Variants in SLC44A5 observed in about 807,000 individuals in gnomAD.
The protein encoded by SLC44A5 is solute carrier family 44 member 5, also known as choline transporter-like protein 5.
SLC44A5 carries 57 observed loss-of-function variants against 101.8 expected under a neutral mutation model. The observed-to-expected ratio is 0.56, with a 90% CI of 0.45 to 0.70. The LOEUF is 0.70. Among genes scored for constraint, SLC44A5 ranks in the 30% least tolerant of loss-of-function variants. The pLI is 0.00. For missense variants in SLC44A5, 737 were observed against 853.1 expected, an observed-to-expected ratio of 0.86 and a Z score of 1.70; for synonymous variants, 281 against 290.9, an observed-to-expected ratio of 0.97 and a Z score of 0.35.
intron 2 of SLC44A5, among the ~76,000 whole-genome samples, chr1:75,486,948 G>T (rs1221719606): frequency 2.0e-5 from 3 of 152,186 alleles, no homozygotes; most frequent in Admixed American, 2.0e-4. Flanking sequence ...TTTAGGTCAT[G>T]TGAAGGATTA....
At chr1:75,714,084 G>T in the SLC44A5 span, among the ~76,000 whole-genome samples, 13 of 152,024 alleles carry the variant, frequency 8.6e-5, no homozygotes, top group Admixed American at 5.9e-4. Flanking sequence ...AACTATAGGT[G>T]TGAGACACTG....
In SLC44A5 at chr1:75,550,369, A is replaced by G. The variant is rs377545712; in HGVS notation, c.-69-8853T>C. On this transcript the variant is annotated intron_variant, in intron 1 of 23. Coordinates refer to ENST00000370859, the MANE Select transcript of SLC44A5 (RefSeq NM_001130058.2). ...GAATTCATAGAGACAGAAATAGATT[A>G]GTGGCTTCCAGGGGCTGGAGGATGG... 6.6e-4 allele frequency among the ~76,000 whole-genome samples: 100 copies of G among 152,152 alleles called. 1 individual carries two copies. Among genetic ancestry groups the G allele is most frequent in the Middle Eastern group, 6.8e-3 (2 of 294 alleles).
At chr1:75,376,666 A>G (rs1219046733) in intron 3 of SLC44A5, among the ~76,000 whole-genome samples, 1 of 150,898 alleles carries the variant, frequency 6.6e-6, no homozygotes, top group East Asian at 1.9e-4. Flanking sequence ...CATCCACACC[A>G]AAAACCCATC....
At chr1:75,506,265 C>T (rs1404324465) in intron 2 of SLC44A5, among the ~76,000 whole-genome samples, 1 of 151,956 alleles carries the variant, frequency 6.6e-6, no homozygotes, top group Non-Finnish European at 1.5e-5. Context: ...TTTATAATAT[C>T]ATTTGAAGTT....
intron 2 of SLC44A5, among the ~76,000 whole-genome samples, chr1:75,430,608 T>C (rs1187463983): frequency 3.3e-5 from 5 of 152,124 alleles, no homozygotes; most frequent in Non-Finnish European, 2.9e-5. Flanking sequence ...TTAGACTTTA[T>C]CATATAGGTC....
chr1:75,391,736 A>T (rs115827642), intron 3 of SLC44A5, among the ~76,000 whole-genome samples: 31 of 152,338 alleles, frequency 2.0e-4, no homozygotes, highest in African/African-American at 6.7e-4. Context: ...GATGGATTGA[A>T]TATTTAAATG....
intron 2 of SLC44A5, among the ~76,000 whole-genome samples, chr1:75,445,252 G>A (rs964409635): frequency 6.6e-6 from 1 of 151,902 alleles, no homozygotes; most frequent in Non-Finnish European, 1.5e-5. Flanking sequence ...TAACATGCCT[G>A]GTATCTCTCT....
chr1:75,696,138 G>C, the SLC44A5 span, among the ~76,000 whole-genome samples: 1 of 152,124 alleles, frequency 6.6e-6, no homozygotes, highest in Non-Finnish European at 1.5e-5. Flanking sequence ...AGTCAGATGA[G>C]GGTCCTGATT....
chr1:75,630,809 C>T, the SLC44A5 span, among the ~76,000 whole-genome samples: 1 of 152,302 alleles, frequency 6.6e-6, no homozygotes, highest in Non-Finnish European at 1.5e-5. Context: ...ACCTGAGGTT[C>T]AGAGGAATTG....
intron 1 of SLC44A5, among the ~76,000 whole-genome samples, chr1:75,562,453 T>C (rs1473478788): frequency 2.6e-5 from 4 of 152,150 alleles, no homozygotes. Context: ...ATCATACCAC[T>C]TTGGGAGGCT....
At chr1:75,356,570 T>G (rs1047612295) in intron 3 of SLC44A5, among the ~76,000 whole-genome samples, 6 of 151,992 alleles carry the variant, frequency 3.9e-5, no homozygotes, top group African/African-American at 1.4e-4. Context: ...TACAGAAAGT[T>G]AAGGTTAATT....
In SLC44A5 at chr1:75,351,698, A is replaced by T. The variant is rs189731269; in HGVS notation, c.53-12068T>A. On this transcript the variant is annotated intron_variant, in intron 3 of 23. Transcript: ENST00000370859. Reference sequence around the variant, plus strand: ...CGACTCTACAAAGATGTTCTTGAGGATGGAACTAGAGTGGTTGTACTGAGA... The same window carrying T: ...CGACTCTACAAAGATGTTCTTGAGGTTGGAACTAGAGTGGTTGTACTGAGA... 2.6e-5 allele frequency among the ~76,000 whole-genome samples: 4 copies of T among 152,000 alleles called. No homozygotes were observed. In the East Asian group the frequency reaches 7.7e-4, roughly 29 times the overall value.
chr1:75,222,405 C>G lies in SLC44A5; in HGVS notation c.1041G>C (p.Arg347Ser). The G allele has an allele frequency of 6.2e-7, 1 of 1,613,696 alleles. No individual in the cohort carries two copies. The highest frequency in any genetic ancestry group is 8.5e-7 in the Non-Finnish European group (1 of 1,179,880). Reference sequence around the variant, plus strand: ...GGATAATGGCGACTCGGATTCGATTCCTGAGGAAGATCAGCATGAGGATGA... The same window carrying G: ...GGATAATGGCGACTCGGATTCGATTGCTGAGGAAGATCAGCATGAGGATGA... ...VIVILMLIFL[R>S]NRIRVAIILL... The change falls in exon 14 of 24, where the codon AGG becomes AGC. Residue 347 changes from arginine (R) to serine (S), a missense_variant. Arg to Ser is a moderately radical substitution (Grantham distance 110, BLOSUM62 -1). Transcript: ENST00000370859.
intron 3 of SLC44A5, among the ~76,000 whole-genome samples, chr1:75,350,087 C>G (rs767709630): frequency 6.6e-6 from 1 of 152,074 alleles, no homozygotes; most frequent in Admixed American, 6.5e-5. Context: ...ACCGCGCCCC[C>G]CCCAACTCCA....
intron 2 of SLC44A5, among the ~76,000 whole-genome samples, chr1:75,419,602 T>G (rs1025325488): frequency 6.6e-6 from 1 of 152,060 alleles, no homozygotes; most frequent in South Asian, 2.1e-4. Context: ...TATATGGTAA[T>G]GTTAAAATAA....
rs1557820522 is a variant in SLC44A5 at position 75,472,166 on chromosome 1, CA to C, written c.13+69268del. 4.0e-5 allele frequency among the ~76,000 whole-genome samples: 6 copies of C among 150,640 alleles called. No homozygotes were observed. In the South Asian group the frequency reaches 1.3e-3, roughly 32 times the overall value. On this transcript the variant is annotated intron_variant, in intron 2 of 23. Transcript: ENST00000370859. The stretch of plus-strand genomic sequence containing the variant: ...TGGGAATAGAGCTTTCAAACAAGAC[CA>C]AAGAAAAATATGAGAATAAAAAGGC...
At chr1:75,521,486 A>T (rs1011640778) in intron 2 of SLC44A5, 5 of 152,228 alleles carry the variant, frequency 3.3e-5, no homozygotes, top group African/African-American at 1.2e-4. Context: ...GTGATTAAAG[A>T]GCTAATATTT....
chr1:75,215,181 T>C (rs1646936348), intron 19 of SLC44A5, among the ~76,000 whole-genome samples: 1 of 152,126 alleles, frequency 6.6e-6, no homozygotes. Context: ...CCTGTGCTAC[T>C]GTGATAACAA....
chr1:75,582,679 C>T (rs1431302108), intron 1 of SLC44A5: 1 of 180,208 alleles, frequency 5.5e-6, no homozygotes, highest in East Asian at 1.5e-4. Flanking sequence ...GAGGGTAACA[C>T]TCCTCCCCTA....
Sources: gnomAD v4.1 joint callset for allele counts (sites outside exome capture counted in the v4.1 genomes callset) on GRCh38, gnomAD v4.1.1 for gene constraint, MANE v1.5 for transcripts, NCBI Gene and HGNC (gene_info 2026-07-23, HGNC 2026-07-21) for gene names.